Variants in FHIT observed in about 807,000 individuals in gnomAD.
The protein encoded by FHIT is fragile histidine triad diadenosine triphosphatase.
In FHIT, 19 loss-of-function variants were observed where a neutral mutation model predicts 17.9. The observed-to-expected ratio is 1.06, with a 90% CI of 0.74 to 1.56. The LOEUF is 1.56. Among genes scored for constraint, FHIT ranks in the 40% most tolerant of loss-of-function variants. FHIT has a pLI of 0.00. For missense variants in FHIT, 248 were observed against 189.2 expected (o/e 1.31, Z -1.82); for synonymous variants, 81 against 69.7 (o/e 1.16, Z -0.81).
At chr3:60,341,590 C>T (rs141759718) in intron 5 of FHIT, among the ~76,000 whole-genome samples, 27 of 152,084 alleles carry the variant, frequency 1.8e-4, no homozygotes, top group African/African-American at 5.5e-4. Flanking sequence ...TCCTGCTCTC[C>T]CTCTTGATTT....
At chr3:60,920,496 GGC>G (rs1707222639) in intron 3 of FHIT, among the ~76,000 whole-genome samples, 1 of 152,022 alleles carries the variant, frequency 6.6e-6, no homozygotes, top group Non-Finnish European at 1.5e-5. Context: ...CAGTGGTAGT[GGC>G]AGGGAATAGA....
chr3:60,458,880 T>C (rs990060174), intron 5 of FHIT, among the ~76,000 whole-genome samples: 3 of 151,894 alleles, frequency 2.0e-5, no homozygotes, highest in East Asian at 1.9e-4. Flanking sequence ...GCTCAAGGGA[T>C]CCTCCCACCT....
intron 2 of FHIT, among the ~76,000 whole-genome samples, chr3:61,062,229 AT>A (rs1239315562): frequency 1.3e-5 from 2 of 152,078 alleles, no homozygotes; most frequent in African/African-American, 4.8e-5. Context: ...TATCCCCCTG[AT>A]TTTGCCCATA....
chr3:59,959,670 G>C (rs548759435), intron 7 of FHIT, among the ~76,000 whole-genome samples: 1 of 152,120 alleles, frequency 6.6e-6, no homozygotes, highest in Non-Finnish European at 1.5e-5. Context: ...CTGGGGCAGA[G>C]GTGAGCAAAA....
At chr3:59,830,675 C>T (rs1342093802) in intron 8 of FHIT, among the ~76,000 whole-genome samples, 1 of 152,198 alleles carries the variant, frequency 6.6e-6, no homozygotes, top group Non-Finnish European at 1.5e-5. Flanking sequence ...ATTCTGCAGA[C>T]ATAAATTCCC....
Position 59,748,387 on chromosome 3 carries a change from T to C in FHIT, c.*1198A>G, listed in dbSNP as rs1700712731. ...TGGTCAGATGGTAAAGAAAAGAAAG[T>C]GGGAGGGTAGCCTAGGCAGGATTCA... On this transcript the variant is annotated 3_prime_UTR_variant, in exon 10 of 10. Transcript: ENST00000492590. 6.6e-6 allele frequency among the ~76,000 whole-genome samples: 1 copy of C among 151,986 alleles called. No individual in the cohort carries two copies. Among genetic ancestry groups the C allele is most frequent in the African/African-American group, 2.4e-5 (1 of 41,454 alleles).
chr3:61,210,516 T>C (rs1222558045), intron 1 of FHIT, among the ~76,000 whole-genome samples: 1 of 152,066 alleles, frequency 6.6e-6, no homozygotes, highest in Non-Finnish European at 1.5e-5. Flanking sequence ...CAGGCGCCCC[T>C]CCCCCAGCCT....
intron 4 of FHIT, among the ~76,000 whole-genome samples, chr3:60,582,774 T>G (rs782164108): frequency 6.6e-6 from 1 of 151,992 alleles, no homozygotes; most frequent in Non-Finnish European, 1.5e-5. Flanking sequence ...CAACAACAAA[T>G]AGAAAGTAGC....
intron 5 of FHIT, among the ~76,000 whole-genome samples, chr3:60,199,906 A>C (rs1488722092): frequency 6.6e-6 from 1 of 152,142 alleles, no homozygotes; most frequent in East Asian, 1.9e-4. Flanking sequence ...GAAATATACC[A>C]GTATACAATA....
chr3:60,626,812 TATG>T (rs1276901323), intron 4 of FHIT, among the ~76,000 whole-genome samples: 18 of 140,092 alleles, frequency 1.3e-4, no homozygotes, highest in Non-Finnish European at 2.1e-4. Flanking sequence ...TTACGTTAAG[TATG>T]ATATGAGCTG....
At chr3:60,794,619 C>T (rs1157180619) in intron 4 of FHIT, among the ~76,000 whole-genome samples, 1 of 152,200 alleles carries the variant, frequency 6.6e-6, no homozygotes, top group Non-Finnish European at 1.5e-5. Flanking sequence ...AGTATATTAA[C>T]ACATTGCTTA....
chr3:59,959,246 T>C (rs746968207), intron 7 of FHIT, among the ~76,000 whole-genome samples: 1 of 152,334 alleles, frequency 6.6e-6, no homozygotes, highest in Non-Finnish European at 1.5e-5. Flanking sequence ...AGTTCTTTGA[T>C]GCTTCTCAAT....
At chr3:61,203,734 G>A (rs146547662) in intron 1 of FHIT, among the ~76,000 whole-genome samples, 1 of 152,300 alleles carries the variant, frequency 6.6e-6, no homozygotes, top group Non-Finnish European at 1.5e-5. Context: ...AATAAAGAAG[G>A]GGGTAATAAA....
At chr3:61,192,906 G>C (rs2038756912) in intron 2 of FHIT, among the ~76,000 whole-genome samples, 1 of 152,176 alleles carries the variant, frequency 6.6e-6, no homozygotes, top group African/African-American at 2.4e-5. Context: ...ATTAGGGGCA[G>C]CATAATTTTA....
At chr3:60,525,444 T>C (rs548432826) in intron 5 of FHIT, among the ~76,000 whole-genome samples, 1 of 152,000 alleles carries the variant, frequency 6.6e-6, no homozygotes, top group East Asian at 1.9e-4. Flanking sequence ...TGACAACCCC[T>C]TTTTTTTAAG....
At chr3:59,905,924 A>T (rs1704566264) in intron 8 of FHIT, among the ~76,000 whole-genome samples, 1 of 152,238 alleles carries the variant, frequency 6.6e-6, no homozygotes, top group South Asian at 2.1e-4. Flanking sequence ...TCAGAAATGC[A>T]AATAACAGTG....
chr3:60,128,631 C>A (rs1223540333), intron 5 of FHIT, among the ~76,000 whole-genome samples: 1 of 152,250 alleles, frequency 6.6e-6, no homozygotes, highest in East Asian at 1.9e-4. Context: ...CAGAACTGGG[C>A]CACATGCCCA....
intron 5 of FHIT, among the ~76,000 whole-genome samples, chr3:60,377,177 T>C (rs989955956): frequency 1.3e-5 from 2 of 151,710 alleles, no homozygotes. Flanking sequence ...ACAGTTCTGT[T>C]TACATGCAAC....
Position 60,639,677 on chromosome 3 carries a change from T to G in FHIT, c.-17-102698A>C, listed in dbSNP as rs1398902179. Among the ~76,000 whole-genome samples, 61 of 152,174 alleles carry G rather than the reference T, an allele frequency of 4.0e-4. 1 individual carries two copies. The highest frequency in any genetic ancestry group is 2.4e-4 in the Non-Finnish European group (16 of 68,000). On this transcript the variant is annotated intron_variant, in intron 4 of 9. Transcript: ENST00000492590. ...CTCTGCAAGAAGATAAAATCCACAT[T>G]AAAGGAAACACTAAAAGGAACTAAA...
Sources: gnomAD v4.1 joint callset for allele counts (sites outside exome capture counted in the v4.1 genomes callset) on GRCh38, gnomAD v4.1.1 for gene constraint, MANE v1.5 for transcripts, NCBI Gene and HGNC (gene_info 2026-07-23, HGNC 2026-07-21) for gene names.